PEX5L: variants seen among roughly 807,000 people sequenced by gnomAD.
The protein encoded by PEX5L is peroxisomal biogenesis factor 5 like, also known as PEX5-related protein.
A neutral mutation model predicts 84.0 loss-of-function variants in PEX5L; 30 were observed. That is an observed-to-expected ratio of 0.36 (90% confidence interval 0.27 to 0.48). PEX5L has a LOEUF of 0.48. Among genes scored for constraint, PEX5L ranks in the 20% least tolerant of loss-of-function variants. The pLI is 0.99. For missense variants in PEX5L, 533 were observed against 754.6 expected (o/e 0.71, Z 3.44); for synonymous variants, 270 against 283.1 (o/e 0.95, Z 0.46).
chr3:179,963,635 A>G (rs901377973), intron 2 of PEX5L, among the ~76,000 whole-genome samples: 5 of 152,216 alleles, frequency 3.3e-5, no homozygotes, highest in African/African-American at 1.2e-4. Flanking sequence ...ATACTGTTTA[A>G]AATTTTAAAA....
intron 2 of PEX5L, among the ~76,000 whole-genome samples, chr3:179,926,835 G>A (rs970761916): frequency 6.6e-6 from 1 of 152,102 alleles, no homozygotes; most frequent in African/African-American, 2.4e-5. Context: ...AAACTTTCTG[G>A]GTAATTTTGG....
intron 3 of PEX5L, among the ~76,000 whole-genome samples, chr3:179,896,395 C>G (rs2108961039): frequency 6.6e-6 from 1 of 152,070 alleles, no homozygotes; most frequent in South Asian, 2.1e-4. Context: ...GTAACTAATA[C>G]CTCAAAAACA....
intron 11 of PEX5L, among the ~76,000 whole-genome samples, chr3:179,810,128 C>T (rs1395627337): frequency 1.5e-4 from 23 of 149,064 alleles, no homozygotes; most frequent in Non-Finnish European, 3.0e-5. Flanking sequence ...ATTTTCCTGC[C>T]TCAGCGTCCG....
intron 7 of PEX5L, among the ~76,000 whole-genome samples, chr3:179,860,122 T>A (rs1268626974): frequency 8.0e-6 from 1 of 124,286 alleles, no homozygotes; most frequent in African/African-American, 2.8e-5. Context: ...CCATTTTTGT[T>A]TTTTGTTTTT....
chr3:179,843,627 G>T (rs2108351872), intron 8 of PEX5L, among the ~76,000 whole-genome samples: 1 of 152,284 alleles, frequency 6.6e-6, no homozygotes, highest in Non-Finnish European at 1.5e-5. Flanking sequence ...TATGGAAATT[G>T]TCAATGAAAA....
chr3:180,030,465 T>C (rs1157988449), intron 1 of PEX5L, among the ~76,000 whole-genome samples: 1 of 152,236 alleles, frequency 6.6e-6, no homozygotes, highest in African/African-American at 2.4e-5. Flanking sequence ...AGAACAATGT[T>C]ATCCCTTTCC....
intron 2 of PEX5L, among the ~76,000 whole-genome samples, chr3:179,960,594 C>T (rs1409298855): frequency 6.6e-6 from 1 of 152,182 alleles, no homozygotes; most frequent in East Asian, 1.9e-4. Context: ...ACTCAAGTTC[C>T]TTGGAGTCTG....
At chr3:179,916,213 T>C (rs963864781) in intron 2 of PEX5L, among the ~76,000 whole-genome samples, 2 of 152,198 alleles carry the variant, frequency 1.3e-5, no homozygotes, top group African/African-American at 4.8e-5. Context: ...AATTTGATTG[T>C]CGTGTGGACA....
intron 1 of PEX5L, among the ~76,000 whole-genome samples, chr3:180,006,254 GGCCTTATATTCCCTTC>G (rs1788877416): frequency 6.6e-6 from 1 of 151,740 alleles, no homozygotes; most frequent in Non-Finnish European, 1.5e-5. Flanking sequence ...ATTCATACCA[GGCCTTATATTCCCTTC>G]GCCACTTCCT....
At chr3:179,862,013 T>C (rs1746353681) in intron 7 of PEX5L, among the ~76,000 whole-genome samples, 1 of 152,168 alleles carries the variant, frequency 6.6e-6, no homozygotes, top group African/African-American at 2.4e-5. Flanking sequence ...AGAAATTTAT[T>C]CTCTCAAAGT....
At chr3:179,998,596 G>A (rs1291096902) in intron 1 of PEX5L, among the ~76,000 whole-genome samples, 1 of 152,186 alleles carries the variant, frequency 6.6e-6, no homozygotes, top group East Asian at 1.9e-4. Flanking sequence ...CTGGGCTTTG[G>A]TGGAAACTGA....
chr3:180,006,815 G>A (rs184324727), intron 1 of PEX5L, among the ~76,000 whole-genome samples: 1 of 152,274 alleles, frequency 6.6e-6, no homozygotes, highest in East Asian at 1.9e-4. Flanking sequence ...GGGAAAGACA[G>A]GCCCTCAAGA....
chr3:179,989,291 T>C (rs1290817533), intron 1 of PEX5L, among the ~76,000 whole-genome samples: 1 of 152,218 alleles, frequency 6.6e-6, no homozygotes, highest in Non-Finnish European at 1.5e-5. Context: ...AAAATGAGAC[T>C]ATCTCTACTA....
intron 1 of PEX5L, among the ~76,000 whole-genome samples, chr3:180,025,885 T>C (rs1790904068): frequency 6.6e-6 from 1 of 152,214 alleles, no homozygotes; most frequent in Admixed American, 6.5e-5. Flanking sequence ...CATTATCTCA[T>C]CTAGTCCTTA....
At chr3:179,838,841 G>A (rs913356460) in intron 8 of PEX5L, among the ~76,000 whole-genome samples, 17 of 152,040 alleles carry the variant, frequency 1.1e-4, no homozygotes, top group African/African-American at 4.1e-4. Flanking sequence ...AGAAGGAAAC[G>A]CTTTATATAT....
intron 5 of PEX5L, among the ~76,000 whole-genome samples, chr3:179,876,883 A>AT (rs938954968): frequency 2.0e-5 from 3 of 151,734 alleles, no homozygotes; most frequent in Admixed American, 1.3e-4. Flanking sequence ...CAAATTTGGG[A>AT]TTTTTTTTCT....
chr3:179,905,622 G>A (rs79452735), intron 2 of PEX5L, among the ~76,000 whole-genome samples: 3,760 of 151,968 alleles, frequency 0.025, 153 homozygotes, highest in African/African-American at 0.087. Flanking sequence ...AAAAACCAGA[G>A]TCACTGATTG....
intron 8 of PEX5L, among the ~76,000 whole-genome samples, chr3:179,826,019 A>G (rs1695579251): frequency 6.6e-6 from 1 of 152,112 alleles, no homozygotes; most frequent in Non-Finnish European, 1.5e-5. Context: ...GTCAGCCATC[A>G]CTCCAGATGC....
At chr3:179,934,234 T>C (rs1390904591) in intron 2 of PEX5L, among the ~76,000 whole-genome samples, 1 of 152,226 alleles carries the variant, frequency 6.6e-6, no homozygotes, top group Non-Finnish European at 1.5e-5. Context: ...CATTTACATA[T>C]AGCACATTTC....
Sources: gnomAD v4.1 joint callset for allele counts (sites outside exome capture counted in the v4.1 genomes callset) on GRCh38, gnomAD v4.1.1 for gene constraint, MANE v1.5 for transcripts, NCBI Gene and HGNC (gene_info 2026-07-23, HGNC 2026-07-21) for gene names.